The following ANO2 variants were observed in gnomAD, a reference collection of about 807,000 sequenced individuals.
ANO2 encodes anoctamin-2.
ANO2 carries 101 observed loss-of-function variants against 124.2 expected under a neutral mutation model. The observed-to-expected ratio is 0.81, with a 90% CI of 0.69 to 0.96. The LOEUF is 0.96. ANO2 is among the 40% of genes least tolerant of loss of function. The pLI, the probability that ANO2 is intolerant of heterozygous loss-of-function variation, is 0.00. For missense variants in ANO2, 1,293 were observed against 1,274.5 expected (o/e 1.01, Z -0.22); for synonymous variants, 486 against 482.5 (o/e 1.01, Z -0.09).
chr12:5,838,518 A>C (rs990699882), intron 4 of ANO2, among the ~76,000 whole-genome samples: 1 of 152,040 alleles, frequency 6.6e-6, no homozygotes, highest in Non-Finnish European at 1.5e-5. Context: ...TACACACCAT[A>C]CACACTGGTC....
intron 14 of ANO2, among the ~76,000 whole-genome samples, chr12:5,729,840 A>T (rs1950568903): frequency 6.6e-6 from 1 of 152,200 alleles, no homozygotes; most frequent in African/African-American, 2.4e-5. Flanking sequence ...AAAAGAACGA[A>T]GTACTGATAT....
intron 20 of ANO2, among the ~76,000 whole-genome samples, chr12:5,597,967 ATTGT>A (rs1242038687): frequency 1.3e-5 from 2 of 152,162 alleles, no homozygotes. Context: ...AGACTTAATG[ATTGT>A]TTGTTCTCTG....
intron 14 of ANO2, among the ~76,000 whole-genome samples, chr12:5,694,066 G>A (rs1949056494): frequency 6.6e-6 from 1 of 152,100 alleles, no homozygotes; most frequent in Non-Finnish European, 1.5e-5. Context: ...TGCAGCCCCA[G>A]AGTTTGTGCC....
At chr12:5,711,121 G>A (rs1438445131) in intron 14 of ANO2, among the ~76,000 whole-genome samples, 1 of 149,918 alleles carries the variant, frequency 6.7e-6, no homozygotes, top group Non-Finnish European at 1.5e-5. Context: ...TCGCGCCACT[G>A]TACTCCAGCC....
chr12:5,792,925 T>C (rs1315202157), intron 10 of ANO2, among the ~76,000 whole-genome samples: 1 of 152,048 alleles, frequency 6.6e-6, no homozygotes, highest in African/African-American at 2.4e-5. Flanking sequence ...TTCAGTGAGG[T>C]GTATGTAAGG....
intron 1 of ANO2, among the ~76,000 whole-genome samples, chr12:5,933,429 T>A (rs1319297097): frequency 6.6e-6 from 1 of 152,134 alleles, no homozygotes; most frequent in Non-Finnish European, 1.5e-5. Context: ...CATAATTAGA[T>A]TACATTAGAA....
chr12:5,801,939 T>G (rs917045175), intron 9 of ANO2, among the ~76,000 whole-genome samples: 1 of 152,132 alleles, frequency 6.6e-6, no homozygotes, highest in Admixed American at 6.5e-5. Flanking sequence ...GTGACATCAT[T>G]TGTTGCCCAA....
intron 17 of ANO2, among the ~76,000 whole-genome samples, chr12:5,613,910 A>G (rs1441688538): frequency 6.6e-6 from 1 of 152,222 alleles, no homozygotes; most frequent in Non-Finnish European, 1.5e-5. Flanking sequence ...AATGAAGTGT[A>G]TACTTCTTAA....
At chr12:5,684,592 T>C (rs1479243080) in intron 14 of ANO2, among the ~76,000 whole-genome samples, 2 of 152,112 alleles carry the variant, frequency 1.3e-5, no homozygotes, top group African/African-American at 4.8e-5. Flanking sequence ...TGAGCGAGCC[T>C]TCAAAGTCTT....
At chr12:5,757,689 A>C (rs939482843) in intron 10 of ANO2, among the ~76,000 whole-genome samples, 2 of 152,228 alleles carry the variant, frequency 1.3e-5, no homozygotes, top group South Asian at 2.1e-4. Flanking sequence ...TGAAATTATA[A>C]CTTTGCTTGA....
At chr12:5,814,155 G>A (rs73255123) in intron 7 of ANO2, among the ~76,000 whole-genome samples, 1,918 of 152,272 alleles carry the variant, frequency 0.013, 33 homozygotes, top group African/African-American at 0.041. Flanking sequence ...CCAATTCCAC[G>A]TTGCAGTGAC....
At chr12:5,785,097 A>G (rs1184037933) in intron 10 of ANO2, among the ~76,000 whole-genome samples, 3 of 152,140 alleles carry the variant, frequency 2.0e-5, no homozygotes, top group South Asian at 2.1e-4. Flanking sequence ...AATACCATCT[A>G]TCACTTTCTA....
At chr12:5,624,423 T>G (rs1191693885) in intron 16 of ANO2, among the ~76,000 whole-genome samples, 1 of 151,422 alleles carries the variant, frequency 6.6e-6, no homozygotes, top group African/African-American at 2.4e-5. Flanking sequence ...AGGACAGGAG[T>G]GAGGAGAGAG....
chr12:5,578,140 C>T, intron 21 of ANO2, 133 bp from the exon 22 acceptor site: 1 of 1,290,006 alleles, frequency 7.8e-7, no homozygotes, highest in Non-Finnish European at 1.1e-6. Context: ...ATGGGCTTGT[C>T]TGGAAAGGCT....
intron 23 of ANO2, 121 bp downstream of exon 23, chr12:5,575,712 TG>T: frequency 1.8e-6 from 2 of 1,082,812 alleles, no homozygotes; most frequent in Non-Finnish European, 2.6e-6. Flanking sequence ...GCCATATATG[TG>T]GTCTGCTGTT....
intron 14 of ANO2, among the ~76,000 whole-genome samples, chr12:5,696,690 C>T (rs1949194719): frequency 6.6e-6 from 1 of 152,140 alleles, no homozygotes; most frequent in Non-Finnish European, 1.5e-5. Context: ...TCTAGCTCAA[C>T]ATCACTAATA....
chr12:5,704,179 T>C (rs959840523), intron 14 of ANO2, among the ~76,000 whole-genome samples: 1 of 152,100 alleles, frequency 6.6e-6, no homozygotes, highest in African/African-American at 2.4e-5. Flanking sequence ...ATTTGTAGAA[T>C]TGCAATTAAA....
chr12:5,941,399 A>C (rs1008372475), intron 1 of ANO2, among the ~76,000 whole-genome samples: 1 of 152,166 alleles, frequency 6.6e-6, no homozygotes, highest in Non-Finnish European at 1.5e-5. Context: ...AGATGGATCC[A>C]ACAAAAGTAA....
chr12:5,844,866 T>TTTGTTTGC (rs1954631918), intron 4 of ANO2, among the ~76,000 whole-genome samples: 3 of 152,000 alleles, frequency 2.0e-5, no homozygotes, highest in Admixed American at 2.0e-4. Context: ...TGTTTGTTTG[T>TTTGTTTGC]TTGTTTTTAC....
Sources: allele counts gnomAD v4.1 joint callset (sites outside exome capture counted in the v4.1 genomes callset), GRCh38; gene constraint gnomAD v4.1.1; transcripts MANE v1.5; gene names NCBI Gene and HGNC (gene_info 2026-07-23, HGNC 2026-07-21).